TMPRSS11B: variants seen among roughly 807,000 people sequenced by gnomAD.
TMPRSS11B encodes the protein transmembrane protease serine 11B.
Under a neutral mutation model 44.7 loss-of-function variants are expected in TMPRSS11B, and 53 were observed. That is an observed-to-expected ratio of 1.19 (90% CI 0.95 to 1.49). The LOEUF is 1.49. Ranked by LOEUF, TMPRSS11B falls within the 40% of genes most tolerant of loss-of-function variation. The pLI, the probability that TMPRSS11B is intolerant of heterozygous loss-of-function variation, is 0.00. For missense variants in TMPRSS11B, 526 were observed against 494.8 expected (o/e 1.06, Z -0.60); for synonymous variants, 140 against 159.2 (o/e 0.88, Z 0.91).
At position 68,231,218 on chromosome 4, in the gene TMPRSS11B, G is replaced by T. The variant is rs373201318; in HGVS notation, c.671C>A (p.Ala224Asp). The T allele has an allele frequency of 8.1e-6, 13 of 1,609,218 alleles. No individual in the cohort carries two copies. The highest frequency in any genetic ancestry group is 1.3e-5 in the African/African-American group (1 of 74,748). ...TCAAACTTACTTAGCAAAGCAGTGA[G>T]CTGCAGATAATAGCCACCTGCTGCT... ...LISSRWLLSA[A>D]HCFAKKNNSK... The change falls in exon 7 of 10, where the codon GCT (alanine) becomes GAT (aspartate). Residue 224 changes from alanine (A) to aspartate (D), a missense_variant. Ala to Asp is a moderately radical substitution (Grantham distance 126, BLOSUM62 -2). Coordinates refer to ENST00000332644, the MANE Select transcript of TMPRSS11B (RefSeq NM_182502.3).
At position 68,232,443 on chromosome 4, in the gene TMPRSS11B, T is replaced by A. The variant is rs752800491; in HGVS notation, c.470-27A>T. On this transcript the variant is annotated intron_variant, in intron 5 of 9. Coordinates refer to ENST00000332644, the MANE Select transcript of TMPRSS11B (RefSeq NM_182502.3). ...TGAAAGTGAAAAACAAAACAAAATATAAAATTGAGCAAATATCACCAAGCA... is the reference window on the plus strand; with the variant it reads ...TGAAAGTGAAAAACAAAACAAAATAAAAAATTGAGCAAATATCACCAAGCA... 8 of 1,605,638 alleles carry A rather than the reference T, an allele frequency of 5.0e-6. No individual in the cohort carries two copies. In the African/African-American group the frequency reaches 1.1e-4, roughly 22 times the overall value.
chr4:68,232,614 A>G (rs1719547643), intron 5 of TMPRSS11B, among the ~76,000 whole-genome samples, 198 bp from the exon 6 acceptor site: 1 of 152,204 alleles, frequency 6.6e-6, no homozygotes, highest in South Asian at 2.1e-4. Flanking sequence ...TCTACTAGGT[A>G]GCCTAGAAAA....
chr4:68,239,300 G>T (rs1269369539), intron 2 of TMPRSS11B, among the ~76,000 whole-genome samples: 3 of 151,522 alleles, frequency 2.0e-5, no homozygotes, highest in South Asian at 2.1e-4. Flanking sequence ...TATCTCTCTC[G>T]CTCTCTCTCT....
Position 68,229,442 on chromosome 4 carries a change from T to C in TMPRSS11B, c.761A>G (p.Gln254Arg). The C allele has an allele frequency of 5.6e-6, 9 of 1,614,000 alleles. No individual in the cohort carries two copies. Among genetic ancestry groups the C allele is most frequent in the Non-Finnish European group, 7.6e-6 (9 of 1,179,914 alleles). ...ATAATTTTCATGAAAAATAATGTTT[T>C]GGACTTTCCGTGTCATATATGGTTT... ...VNKPYMTRKV[Q>R]NIIFHENYSS... is the part of the protein sequence containing the mutation. Residue 254 changes from glutamine to arginine, a missense_variant, in exon 8 of 10, where the codon CAA becomes CGA. Transcript: ENST00000332644.
intron 5 of TMPRSS11B, among the ~76,000 whole-genome samples, chr4:68,233,725 A>C (rs1719583226): frequency 6.6e-6 from 1 of 152,066 alleles, no homozygotes. Flanking sequence ...TTTTTCTTTA[A>C]AAGTGGTATT....
intron 5 of TMPRSS11B, among the ~76,000 whole-genome samples, chr4:68,233,087 T>G (rs1411076273): frequency 6.6e-6 from 1 of 152,050 alleles, no homozygotes; most frequent in Non-Finnish European, 1.5e-5. Flanking sequence ...TAAAAGACTT[T>G]AGAGAGAAGG....
At chr4:68,242,642 T>C (rs1420534831) in intron 1 of TMPRSS11B, among the ~76,000 whole-genome samples, 1 of 151,064 alleles carries the variant, frequency 6.6e-6, no homozygotes, top group Non-Finnish European at 1.5e-5. Flanking sequence ...CAATCTCAGC[T>C]CATTGTAACC....
At position 68,227,143 on chromosome 4, in the gene TMPRSS11B, G is replaced by A. The variant is rs1458447686; in HGVS notation, c.*768C>T. 1 of 152,090 alleles carries A rather than the reference G, an allele frequency of 6.6e-6. No individual in the cohort carries two copies. The highest frequency in any genetic ancestry group is 6.5e-5 in the Admixed American group (1 of 15,272). 9.4% of individuals were successfully genotyped at this position (152,090 alleles called of 1,614,324 possible). ...GATTGCATGATTTTGTGAGGTACAT[G>A]AATCATTTCACATATAAGTTAAAAA... On this transcript the variant is annotated 3_prime_UTR_variant, in exon 10 of 10. Coordinates refer to ENST00000332644, the MANE Select transcript of TMPRSS11B (RefSeq NM_182502.3).
intron 1 of TMPRSS11B, among the ~76,000 whole-genome samples, chr4:68,242,069 T>C (rs1257986629): frequency 6.7e-6 from 1 of 148,550 alleles, no homozygotes; most frequent in East Asian, 2.0e-4. Context: ...TGAAGAGAAA[T>C]TGACTTGCTT....
intron 1 of TMPRSS11B, among the ~76,000 whole-genome samples, chr4:68,243,693 A>G (rs1719928038): frequency 6.6e-6 from 1 of 152,186 alleles, no homozygotes; most frequent in African/African-American, 2.4e-5. Context: ...GCACTGTGAC[A>G]GTAAGGTCTC....
intron 2 of TMPRSS11B, among the ~76,000 whole-genome samples, chr4:68,239,781 G>T (rs1186660747): frequency 6.6e-6 from 1 of 152,128 alleles, no homozygotes; most frequent in African/African-American, 2.4e-5. Flanking sequence ...GGCATGCATG[G>T]GTAAGGTCAT....
chr4:68,229,218 A>T, intron 8 of TMPRSS11B, 39 bp downstream of exon 8: 1 of 1,482,724 alleles, frequency 6.7e-7, no homozygotes, highest in Non-Finnish European at 9.2e-7. Context: ...TTAAATAGTT[A>T]TTCCCATGCA....
chr4:68,229,202 G>T, intron 8 of TMPRSS11B, 55 bp downstream of exon 8: 1 of 1,323,516 alleles, frequency 7.6e-7, no homozygotes, highest in Non-Finnish European at 1.0e-6. Context: ...TTGATTGATT[G>T]ATTGATTAAA....
At chr4:68,237,847 C>T (rs1719717620) in intron 2 of TMPRSS11B, among the ~76,000 whole-genome samples, 1 of 152,014 alleles carries the variant, frequency 6.6e-6, no homozygotes, top group African/African-American at 2.4e-5. Flanking sequence ...GAGAGCCTGT[C>T]TCTACAAAAA....
intron 5 of TMPRSS11B, among the ~76,000 whole-genome samples, chr4:68,233,677 A>G (rs1719581957): frequency 6.6e-6 from 1 of 152,148 alleles, no homozygotes; most frequent in African/African-American, 2.4e-5. Context: ...TCAAAATTTC[A>G]TGATTCCCTT....
chr4:68,233,061 A>G (rs1376932617), intron 5 of TMPRSS11B, among the ~76,000 whole-genome samples: 1 of 152,126 alleles, frequency 6.6e-6, no homozygotes, highest in Non-Finnish European at 1.5e-5. Flanking sequence ...TTAAATTTAA[A>G]TCTTTTTCCT....
chr4:68,244,017 T>C (rs1189652585), intron 1 of TMPRSS11B, among the ~76,000 whole-genome samples: 1 of 152,166 alleles, frequency 6.6e-6, no homozygotes. Flanking sequence ...GTACAGTAAG[T>C]TTGTGATTAA....
rs188301196 is a variant in TMPRSS11B at position 68,230,578 on chromosome 4, C to T, written c.686+625G>A. Among the ~76,000 whole-genome samples the T allele has an allele frequency of 4.8e-3, 723 of 151,420 alleles. 7 individuals carry two copies. The highest frequency in any genetic ancestry group is 6.9e-3 in the Middle Eastern group (2 of 288). On this transcript the variant is annotated intron_variant, in intron 7 of 9. Transcript: ENST00000332644. Reference sequence around the variant, plus strand: ...CAGCACTTTGGGAGGCTGAGGCAGGCGGATCACTTAAGGTCAGGAGTTCGA... The same window carrying T: ...CAGCACTTTGGGAGGCTGAGGCAGGTGGATCACTTAAGGTCAGGAGTTCGA...
intron 8 of TMPRSS11B, 30 bp downstream of exon 8, chr4:68,229,227 C>T (rs370132094): frequency 8.5e-5 from 131 of 1,539,506 alleles, no homozygotes; most frequent in Non-Finnish European, 1.1e-4. Context: ...TATTCCCATG[C>T]AGCTATTATG....
Sources: allele counts gnomAD v4.1 joint callset (sites outside exome capture counted in the v4.1 genomes callset), GRCh38; gene constraint gnomAD v4.1.1; transcripts MANE v1.5; gene names NCBI Gene and HGNC (gene_info 2026-07-23, HGNC 2026-07-21).